AK5: variants seen among roughly 807,000 people sequenced by gnomAD.
AK5 encodes the protein adenylate kinase 5.
Under a neutral mutation model 69.5 loss-of-function variants are expected in AK5, and 27 were observed. The ratio of observed to expected loss-of-function variants is 0.39; its 90% confidence interval spans 0.29 to 0.54. AK5 has a LOEUF of 0.54. AK5 is among the 20% of genes least tolerant of loss of function. The pLI is 0.71. For missense variants in AK5, 531 were observed against 700.4 expected (o/e 0.76, Z 2.73); for synonymous variants, 260 against 244.4 (o/e 1.06, Z -0.60).
At chr1:77,446,444 C>CTAT (rs1652760143) in intron 8 of AK5, among the ~76,000 whole-genome samples, 1 of 151,976 alleles carries the variant, frequency 6.6e-6, no homozygotes, top group Non-Finnish European at 1.5e-5. Context: ...TTTAGAATTG[C>CTAT]TTTTTCTATT....
intron 8 of AK5, among the ~76,000 whole-genome samples, chr1:77,451,675 C>A (rs1280465310): frequency 6.6e-6 from 1 of 152,218 alleles, no homozygotes; most frequent in Non-Finnish European, 1.5e-5. Context: ...ATAAACATGA[C>A]AGTAACGTCA....
At chr1:77,287,901 G>A (rs532368133) in intron 2 of AK5, among the ~76,000 whole-genome samples, 1 of 152,164 alleles carries the variant, frequency 6.6e-6, no homozygotes, top group African/African-American at 2.4e-5. Context: ...TGTTACAGGC[G>A]CATACTCCTA....
chr1:77,385,223 A>G (rs371677866), intron 6 of AK5, among the ~76,000 whole-genome samples: 23 of 152,130 alleles, frequency 1.5e-4, no homozygotes, highest in Admixed American at 4.6e-4. Flanking sequence ...GCAGTGGCAC[A>G]ATCTCGGCTC....
At chr1:77,439,442 C>T (rs981415719) in intron 8 of AK5, among the ~76,000 whole-genome samples, 1 of 152,094 alleles carries the variant, frequency 6.6e-6, no homozygotes, top group African/African-American at 2.4e-5. Flanking sequence ...TTGAAATACA[C>T]AATGAATTAT....
chr1:77,303,511 A>G (rs1659457724), intron 5 of AK5, among the ~76,000 whole-genome samples: 1 of 152,254 alleles, frequency 6.6e-6, no homozygotes, highest in Non-Finnish European at 1.5e-5. Flanking sequence ...TTTAACTTCT[A>G]GCTAATAGAA....
intron 13 of AK5, among the ~76,000 whole-genome samples, chr1:77,539,705 C>G (rs147905737): frequency 6.6e-6 from 1 of 152,184 alleles, no homozygotes; most frequent in African/African-American, 2.4e-5. Flanking sequence ...ACTCTGTTGT[C>G]TGGCCTCTGG....
chr1:77,537,575 G>T (rs1016806104), intron 13 of AK5, among the ~76,000 whole-genome samples: 2 of 152,068 alleles, frequency 1.3e-5, no homozygotes, highest in Admixed American at 1.3e-4. Flanking sequence ...TTTTGTCCAG[G>T]AACAAAATCC....
intron 8 of AK5, among the ~76,000 whole-genome samples, chr1:77,436,327 T>C (rs1651957291): frequency 6.6e-6 from 1 of 151,952 alleles, no homozygotes; most frequent in Admixed American, 6.6e-5. Flanking sequence ...GTATGCTTTG[T>C]ATACAGAATT....
At chr1:77,336,033 A>G (rs1361077920) in intron 5 of AK5, among the ~76,000 whole-genome samples, 2 of 148,532 alleles carry the variant, frequency 1.3e-5, no homozygotes, top group Admixed American at 6.7e-5. Flanking sequence ...TATTCATTGT[A>G]TGTTTTTTGG....
chr1:77,367,550 GTTAT>G (rs774268280), intron 6 of AK5, among the ~76,000 whole-genome samples: 85 of 7,668 alleles, frequency 0.011, no homozygotes, highest in Non-Finnish European at 0.033. Context: ...ACTCATTTAT[GTTAT>G]TTTTATATAT....
chr1:77,523,470 GT>G (rs1410279135), intron 12 of AK5, among the ~76,000 whole-genome samples: 1 of 152,058 alleles, frequency 6.6e-6, no homozygotes, highest in African/African-American at 2.4e-5. Flanking sequence ...AAATTAACTA[GT>G]TTTTTACAAG....
intron 8 of AK5, among the ~76,000 whole-genome samples, chr1:77,419,697 G>C (rs1205630004): frequency 1.3e-5 from 2 of 152,158 alleles, no homozygotes; most frequent in Non-Finnish European, 2.9e-5. Context: ...GAACTTAGGA[G>C]ACATTGAGGA....
Position 77,368,245 on chromosome 1 carries a change from A to ATATATGTTATATATAT in AK5, c.891+27682_891+27683insGTTATATATATTATAT, listed in dbSNP as rs1553140335. On this transcript the variant is annotated intron_variant, in intron 6 of 13. Transcript: ENST00000354567. ...TATATATATATATATATATATATAT[A>ATATATGTTATATATAT]TATATATAATATATATGTTATATAT... Among the ~76,000 whole-genome samples the ATATATGTTATATATAT allele has an allele frequency of 4.9e-3, 335 of 67,876 alleles. 19 individuals are homozygous for ATATATGTTATATATAT. Among genetic ancestry groups the ATATATGTTATATATAT allele is most frequent in the South Asian group, 0.012 (22 of 1,800 alleles). The allele number at this position is 67,876 out of a possible 152,430, so 44.5% of individuals were successfully genotyped here. A position where few individuals can be genotyped will look rare whatever the true frequency, so the allele number is the denominator to read the frequency against.
At chr1:77,551,852 C>CT (rs1027866547) in intron 13 of AK5, among the ~76,000 whole-genome samples, 9 of 152,066 alleles carry the variant, frequency 5.9e-5, no homozygotes, top group African/African-American at 1.9e-4. Context: ...TTTTGTTTAC[C>CT]TTTTTTGTTT....
At chr1:77,353,840 C>T (rs537518160) in intron 6 of AK5, among the ~76,000 whole-genome samples, 1 of 152,280 alleles carries the variant, frequency 6.6e-6, no homozygotes, top group South Asian at 2.1e-4. Context: ...GGTACACAGA[C>T]ACGCCACTGC....
In AK5 at chr1:77,526,334, C is replaced by G. The variant is rs143833027; in HGVS notation, c.1428+4391C>G. Among the ~76,000 whole-genome samples, 29 of 152,180 alleles carry G rather than the reference C, an allele frequency of 1.9e-4. 1 individual carries two copies. Among genetic ancestry groups the G allele is most frequent in the African/African-American group, 6.7e-4 (28 of 41,516 alleles). On this transcript the variant is annotated intron_variant, in intron 12 of 13. Coordinates refer to ENST00000354567, the MANE Select transcript of AK5 (RefSeq NM_174858.3). Reference sequence around the variant, plus strand: ...AATTGTAGATGTGTAATAACTGCTGCAGGGTCAACAGTGTTTCAGGCTTTT... The same window carrying G: ...AATTGTAGATGTGTAATAACTGCTGGAGGGTCAACAGTGTTTCAGGCTTTT...
At chr1:77,465,354 C>T (rs2100684460) in intron 8 of AK5, among the ~76,000 whole-genome samples, 1 of 152,162 alleles carries the variant, frequency 6.6e-6, no homozygotes, top group Non-Finnish European at 1.5e-5. Context: ...ACCATGGCAA[C>T]TGCTCAATTA....
intron 8 of AK5, among the ~76,000 whole-genome samples, chr1:77,451,234 A>C (rs77131390): frequency 6.6e-6 from 1 of 152,348 alleles, no homozygotes; most frequent in East Asian, 1.9e-4. Flanking sequence ...AAAATTTGAA[A>C]AAAAATACAA....
In AK5 at chr1:77,438,294, C is replaced by CAAAAA. The variant is rs56019139; in HGVS notation, c.1059+20605_1059+20609dup. Among the ~76,000 whole-genome samples the CAAAAA allele has an allele frequency of 1.3e-3, 71 of 52,760 alleles. 1 individual carries two copies. The highest frequency in any genetic ancestry group is 2.5e-3 in the African/African-American group (43 of 17,318). The allele number at this position is 52,760 out of a possible 152,430, so 34.6% of individuals were successfully genotyped here. A position where few individuals can be genotyped will look rare whatever the true frequency, so the allele number is the denominator to read the frequency against. ...TTTTGTTTTAACCCTATATTTGGTACAAAAAAAAAAAAAAAAAAAAAAAAA... is the reference window on the plus strand; with the variant it reads ...TTTTGTTTTAACCCTATATTTGGTACAAAAAAAAAAAAAAAAAAAAAAAAAAAAAA... On this transcript the variant is annotated intron_variant, in intron 8 of 13. Transcript: ENST00000354567.
Sources: gnomAD v4.1 joint callset for allele counts (sites outside exome capture counted in the v4.1 genomes callset) on GRCh38, gnomAD v4.1.1 for gene constraint, MANE v1.5 for transcripts, NCBI Gene and HGNC (gene_info 2026-07-23, HGNC 2026-07-21) for gene names.